The following ARHGEF3 variants were observed in gnomAD, a reference collection of about 807,000 sequenced individuals.
ARHGEF3 encodes the protein 59.8 kDA protein.
In ARHGEF3, 28 loss-of-function variants were observed where a neutral mutation model predicts 63.2. The observed-to-expected ratio is 0.44, with a 90% CI of 0.33 to 0.61. ARHGEF3 has a LOEUF of 0.61. Among genes scored for constraint, ARHGEF3 ranks in the 20% least tolerant of loss-of-function variants. The pLI is 0.03. For synonymous variants in ARHGEF3, 266 were observed against 254.2 expected (o/e 1.05, Z -0.44); for missense variants, 533 against 659.3 (o/e 0.81, Z 2.10).
intron 3 of ARHGEF3, among the ~76,000 whole-genome samples, chr3:56,951,216 C>T (rs1418880022): frequency 1.3e-5 from 2 of 150,920 alleles, no homozygotes; most frequent in African/African-American, 4.9e-5. Flanking sequence ...CAACATGGCA[C>T]ATGTATACAT....
intron 2 of ARHGEF3, among the ~76,000 whole-genome samples, chr3:56,979,926 T>C (rs944009564): frequency 3.3e-5 from 5 of 152,248 alleles, no homozygotes; most frequent in South Asian, 2.1e-4. Flanking sequence ...CTACTGACGG[T>C]GGTGGTTAGA....
intron 1 of ARHGEF3, among the ~76,000 whole-genome samples, chr3:56,787,250 G>A (rs55848612): frequency 0.015 from 2,335 of 152,274 alleles, 21 homozygotes; most frequent in Middle Eastern, 0.054. Context: ...CAACATTTGA[G>A]AGTCAAGCGA....
At chr3:56,769,211 C>T (rs551010342) in intron 2 of ARHGEF3, among the ~76,000 whole-genome samples, 19 of 152,340 alleles carry the variant, frequency 1.2e-4, no homozygotes, top group African/African-American at 4.6e-4. Context: ...CTGAACTCAG[C>T]TCAAATGAGT....
chr3:57,073,479 G>A lies in ARHGEF3; in HGVS notation c.-28+5747C>T, dbSNP rs886169826. On this transcript the variant is annotated intron_variant, in intron 1 of 12. Coordinates refer to the ARHGEF3 transcript ENST00000338458. Reference sequence around the variant, plus strand: ...TAGTGGAAACAGCAGAAGCAAAGATGTGAACATGGGAAAACCTCTGCAGTA... The same window carrying A: ...TAGTGGAAACAGCAGAAGCAAAGATATGAACATGGGAAAACCTCTGCAGTA... The A allele has an allele frequency of 1.1e-5, 7 of 646,744 alleles. No homozygotes were observed. The South Asian group carries it at 1.9e-4, about 17-fold the overall frequency. 40.1% of individuals were successfully genotyped at this position (646,744 alleles called of 1,614,324 possible). A position where few individuals can be genotyped will look rare whatever the true frequency, so the allele number is the denominator to read the frequency against.
chr3:56,977,190 T>A (rs1297081486), intron 2 of ARHGEF3: 1 of 454,480 alleles, frequency 2.2e-6, no homozygotes, highest in African/African-American at 2.0e-5. Context: ...CCAAGTTGCA[T>A]CAAGATTTTT....
At chr3:56,975,908 A>C (rs1425285697) in intron 2 of ARHGEF3, 1 of 270,694 alleles carries the variant, frequency 3.7e-6, no homozygotes, top group Non-Finnish European at 7.4e-6. Context: ...ATATCCATGG[A>C]GATTAATGGT....
rs183922438 is a variant in ARHGEF3 at position 56,752,734 on chromosome 3, C to T, written c.438+770G>A. 2.4e-4 allele frequency among the ~76,000 whole-genome samples: 37 copies of T among 152,346 alleles called. No individual in the cohort carries two copies. In the East Asian group the frequency reaches 5.4e-3, roughly 22 times the overall value. ...TCTCAGAGTGAAATAACTTCTTTGT[C>T]CTCTCTGATCTCCTCCTCCTCCAGC... On this transcript the variant is annotated intron_variant, in intron 4 of 9. Transcript: ENST00000296315.
In ARHGEF3 at chr3:57,007,290, T is replaced by C. The variant is rs940284367; in HGVS notation, c.62+27798A>G. 6 of 1,289,674 alleles carry C rather than the reference T, an allele frequency of 4.7e-6. No homozygotes were observed. The African/African-American group carries it at 7.6e-5, about 16-fold the overall frequency. The allele number at this position is 1,289,674 out of a possible 1,614,324, so 79.9% of individuals were successfully genotyped here. On this transcript the variant is annotated intron_variant, in intron 2 of 12. Transcript: ENST00000338458. ...TTTCTCAATAGCCTGAAAAACCAGT[T>C]GTTCCTGCCATTGATTGCGCTGGTT...
chr3:57,005,439 C>T (rs558890673), intron 2 of ARHGEF3, among the ~76,000 whole-genome samples: 2 of 152,286 alleles, frequency 1.3e-5, no homozygotes, highest in East Asian at 3.9e-4. Context: ...TCAGTGCCAC[C>T]TGTCCCCACT....
chr3:57,056,533 G>C (rs1171353083), intron 1 of ARHGEF3, among the ~76,000 whole-genome samples: 1 of 152,042 alleles, frequency 6.6e-6, no homozygotes, highest in Non-Finnish European at 1.5e-5. Flanking sequence ...AGGACCAGCA[G>C]ACTCAGAGGC....
intron 1 of ARHGEF3, among the ~76,000 whole-genome samples, chr3:56,790,962 G>A (rs1236083994): frequency 1.3e-5 from 2 of 151,780 alleles, no homozygotes; most frequent in African/African-American, 4.8e-5. Context: ...TAGGCTGTCA[G>A]CTTTATTTAA....
intron 2 of ARHGEF3, among the ~76,000 whole-genome samples, chr3:56,979,739 T>C (rs572416129): frequency 2.0e-5 from 3 of 152,364 alleles, no homozygotes; most frequent in African/African-American, 7.2e-5. Flanking sequence ...TGAATTCCTT[T>C]TCTTAGCCCT....
intron 3 of ARHGEF3, among the ~76,000 whole-genome samples, chr3:56,951,395 A>T (rs936837765): frequency 6.6e-6 from 1 of 151,966 alleles, no homozygotes; most frequent in Non-Finnish European, 1.5e-5. Context: ...GATCATTAGC[A>T]TTTTTTGCAT....
chr3:56,910,488 A>G lies in ARHGEF3; in HGVS notation c.130-28134T>C, dbSNP rs889592025. The stretch of plus-strand genomic sequence containing the variant: ...TAAAGTGGACCCCACTGGTGATATA[A>G]TATAATCTCAGACCATATGCAATAG... On this transcript the variant is annotated intron_variant, in intron 3 of 12. Coordinates refer to the ARHGEF3 transcript ENST00000338458. Among the ~76,000 whole-genome samples, 8 of 152,314 alleles carry G rather than the reference A, an allele frequency of 5.3e-5. No individual in the cohort carries two copies. In the East Asian group the frequency reaches 9.6e-4, roughly 18 times the overall value.
intron 3 of ARHGEF3, among the ~76,000 whole-genome samples, chr3:56,929,869 C>T (rs900811312): frequency 3.3e-5 from 5 of 152,118 alleles, no homozygotes; most frequent in African/African-American, 1.2e-4. Flanking sequence ...CTTCCCTTGG[C>T]TGATGTTTCC....
intron 2 of ARHGEF3, among the ~76,000 whole-genome samples, chr3:56,968,872 C>T (rs1436730648): frequency 1.3e-5 from 2 of 152,144 alleles, no homozygotes; most frequent in African/African-American, 4.8e-5. Flanking sequence ...ATGTGGCCAT[C>T]ATATTGAACA....
At chr3:56,981,571 CT>C (rs1212797847) in intron 2 of ARHGEF3, among the ~76,000 whole-genome samples, 1 of 152,168 alleles carries the variant, frequency 6.6e-6, no homozygotes, top group Non-Finnish European at 1.5e-5. Context: ...ATCCATAACC[CT>C]GTATTATTTC....
chr3:56,916,619 A>T, intron 3 of ARHGEF3: 1 of 711,200 alleles, frequency 1.4e-6, no homozygotes, highest in Non-Finnish European at 2.0e-6. Context: ...TTTCTGACTG[A>T]CAATCCCCAG....
At chr3:57,072,123 G>C (rs990294723) in intron 1 of ARHGEF3, among the ~76,000 whole-genome samples, 3 of 151,822 alleles carry the variant, frequency 2.0e-5, no homozygotes. Flanking sequence ...ATAATAACAA[G>C]AGTTGATGAA....
Sources: gnomAD v4.1 joint callset for allele counts (sites outside exome capture counted in the v4.1 genomes callset) on GRCh38, gnomAD v4.1.1 for gene constraint, MANE v1.5 for transcripts, NCBI Gene and HGNC (gene_info 2026-07-23, HGNC 2026-07-21) for gene names.